PLEC: variants seen among roughly 807,000 people sequenced by gnomAD.
The protein encoded by PLEC is hemidesmosomal protein 1.
Under a neutral mutation model 392.8 loss-of-function variants are expected in PLEC, and 216 were observed. That is an observed-to-expected ratio of 0.55 (90% confidence interval 0.49 to 0.62). The LOEUF is 0.62. Ranked by LOEUF, PLEC falls within the 20% of genes least tolerant of loss-of-function variation. The pLI, the probability that PLEC is intolerant of heterozygous loss-of-function variation, is 0.00. For missense variants in PLEC, 6,863 were observed against 6,563.4 expected (o/e 1.05, Z -1.58); for synonymous variants, 3,621 against 2,980.6 (o/e 1.21, Z -7.00).
chr8:143,924,657 C>A lies in PLEC; in HGVS notation c.5272G>T (p.Ala1758Ser). 6.5e-7 allele frequency: 1 copy of A among 1,536,448 alleles called. No homozygotes were observed. The highest frequency in any genetic ancestry group is 8.7e-7 in the Non-Finnish European group (1 of 1,147,208). The change falls in exon 31 of 32, where the codon GCC becomes TCC. Residue 1758 changes from alanine (A) to serine (S), a missense_variant. Transcript: ENST00000345136. ...QKRQELEAEL[A>S]KVRAEMEVLL... is the part of the protein sequence containing the mutation. ...ACCTCCATCTCGGCCCGCACCTTGGCCAGCTCGGCTTCCAGCTCCTGCCGT... is the reference window on the plus strand; with the variant it reads ...ACCTCCATCTCGGCCCGCACCTTGGACAGCTCGGCTTCCAGCTCCTGCCGT...
rs187460004 is a variant in PLEC at position 143,930,750 on chromosome 8, C to T, written c.2305-214G>A. ...TCCTTCCCAACCCAGACAGGGCACC[C>T]TCCTCTCACCCCAGCTCACCCACCA... On this transcript the variant is annotated intron_variant, in intron 19 of 31. Transcript: ENST00000345136. 1.7e-4 allele frequency among the ~76,000 whole-genome samples: 26 copies of T among 152,232 alleles called. No homozygotes were observed. In the East Asian group the frequency reaches 4.8e-3, roughly 28 times the overall value.
Position 143,916,489 on chromosome 8 carries a change from G to A in PLEC, c.13332C>T (p.Ile4444=), listed in dbSNP as rs1189848917. 5.6e-6 allele frequency: 9 copies of A among 1,611,582 alleles called. No individual in the cohort carries two copies. The highest frequency in any genetic ancestry group is 1.1e-5 in the South Asian group (1 of 91,080). The stretch of plus-strand genomic sequence containing the variant: ...TGCGGTCCAGCGCGTCCTTATAGGA[G>A]ATCTTGAGCTTGGTCTTAGGGCAGG... ...YLTCPKTKLK[I]SYKDALDRSM... is the part of the protein sequence containing the mutation. The change falls in exon 32 of 32, where the codon ATC becomes ATT. Residue 4444 remains isoleucine (I), a synonymous_variant. Transcript: ENST00000345136.
At chr8:143,950,871 G>A (rs879965216) in exon 1 of PLEC, 33 of 1,392,742 alleles carry the variant, frequency 2.4e-5, no homozygotes, top group African/African-American at 1.3e-4. Context: ...GTGAGGGCGC[G>A]GGCTCCCGGC....
intron 3 of PLEC, chr8:143,937,584 G>A: frequency 2.0e-6 from 1 of 497,792 alleles, no homozygotes; most frequent in Non-Finnish European, 3.8e-6. Context: ...GTGGGTCCCA[G>A]GCCAGCTCTG....
rs782430534 is a variant in PLEC at position 143,925,801 on chromosome 8, G to A, written c.4128C>T (p.Ala1376=). Residue 1376 remains alanine (A), a synonymous_variant, in exon 31 of 32, where the codon GCC becomes GCT. Transcript: ENST00000345136. ...EAALEKQRQL[A]EAHAQAKAQA... ...GTGCCTTTGCCTGGGCGTGCGCCTCGGCCAGCTGCCGCTGCTTCTCCAGCG... is the reference window on the plus strand; with the variant it reads ...GTGCCTTTGCCTGGGCGTGCGCCTCAGCCAGCTGCCGCTGCTTCTCCAGCG... The A allele has an allele frequency of 3.1e-5, 49 of 1,572,012 alleles. No individual in the cohort carries two copies. Among genetic ancestry groups the A allele is most frequent in the African/African-American group, 9.4e-5 (7 of 74,266 alleles).
In PLEC at chr8:143,930,336, C is replaced by T. The variant is rs782345648; in HGVS notation, c.2458-38G>A. The T allele has an allele frequency of 1.4e-5, 22 of 1,588,228 alleles. No homozygotes were observed. The East Asian group carries it at 4.5e-4, about 33-fold the overall frequency. Reference sequence around the variant, plus strand: ...GAGTCGGTGAGGACATGGCCACACCCTGCCCTGCCTGGCCACGCCCCCCAG... The same window carrying T: ...GAGTCGGTGAGGACATGGCCACACCTTGCCCTGCCTGGCCACGCCCCCCAG... On this transcript the variant is annotated intron_variant, in intron 20 of 31. Coordinates refer to ENST00000345136, the MANE Select transcript of PLEC (RefSeq NM_201384.3).
rs1554691805 is a variant in PLEC, at chr8:143,923,289, C to T, written c.6640G>A (p.Ala2214Thr). The T allele has an allele frequency of 6.2e-7, 1 of 1,608,556 alleles. No individual in the cohort carries two copies. The highest frequency in any genetic ancestry group is 1.1e-5 in the South Asian group (1 of 90,950). The change falls in exon 31 of 32, where the codon GCG (alanine) becomes ACG (threonine). Residue 2214 changes from alanine (A) to threonine (T), a missense_variant. Coordinates refer to ENST00000345136, the MANE Select transcript of PLEC (RefSeq NM_201384.3). ...TGGCGTGCGGCCTCCGTGGCCTCCG[C>T]CTTCAGCCGCTGCAGCTCCTCGTCC... Reference protein sequence around the residue: ...LLDEELQRLKAEATEAARQRS... With the variant: ...LLDEELQRLKTEATEAARQRS...
chr8:143,949,199 C>A (rs1219524277), intron 1 of PLEC, among the ~76,000 whole-genome samples: 1 of 152,250 alleles, frequency 6.6e-6, no homozygotes, highest in Admixed American at 6.5e-5. Flanking sequence ...CCCCCTCCCC[C>A]ACACCCTGGC....
At chr8:143,975,140 G>T, upstream of PLEC, 7 of 1,590,486 alleles carry the variant, frequency 4.4e-6, no homozygotes, top group Non-Finnish European at 5.1e-6. The surrounding 1 kb of genome is among the most constrained non-coding windows in gnomAD (Gnocchi z 9.9). Flanking sequence ...AACCTCGCGT[G>T]CCAAGGAGGT....
chr8:143,938,513 G>A, intron 2 of PLEC, 118 bp downstream of exon 2: 1 of 1,557,386 alleles, frequency 6.4e-7, no homozygotes, highest in South Asian at 1.1e-5. Context: ...ACAGGTTTCA[G>A]AGATGAAAGG....
chr8:143,937,341 TCCC>T, intron 3 of PLEC, 99 bp from the exon 4 acceptor site: 2 of 871,974 alleles, frequency 2.3e-6, no homozygotes, highest in East Asian at 5.1e-5. Context: ...CCAAGGGTCT[TCCC>T]CAGGGGGCAG....
At chr8:143,965,862 A>G (rs919410797) in intron 1 of PLEC, among the ~76,000 whole-genome samples, 5 of 152,124 alleles carry the variant, frequency 3.3e-5, no homozygotes, top group Admixed American at 2.0e-4. Context: ...CCCTGTGACC[A>G]TGCAGGTCCC....
At chr8:143,954,484 C>T (rs1002695073), upstream of PLEC, among the ~76,000 whole-genome samples, 4 of 152,334 alleles carry the variant, frequency 2.6e-5, no homozygotes, top group African/African-American at 4.8e-5. This position sits in a 1 kb window ranked among gnomAD's most constrained non-coding sequence, Gnocchi z 4.6. Flanking sequence ...CCTGGCTGCG[C>T]CCCCCAGTCT....
At chr8:143,942,391 C>T (rs781826597), upstream of PLEC, 4 of 1,603,532 alleles carry the variant, frequency 2.5e-6, no homozygotes, top group Middle Eastern at 1.8e-4. Flanking sequence ...ACTGCACCCA[C>T]CTACGCAGCA....
At chr8:143,946,954 A>AC (rs1190992591) in intron 1 of PLEC, among the ~76,000 whole-genome samples, 2 of 151,982 alleles carry the variant, frequency 1.3e-5, no homozygotes, top group African/African-American at 4.8e-5. Context: ...CAATGGTGAC[A>AC]CCTGCCTCCC....
At chr8:143,948,576 C>T (rs1554733429) in intron 1 of PLEC, among the ~76,000 whole-genome samples, 3 of 152,240 alleles carry the variant, frequency 2.0e-5, no homozygotes, top group South Asian at 4.1e-4. Flanking sequence ...TGACTCATCC[C>T]GGAGCTGTGG....
rs1554707300 is a variant in PLEC, at chr8:143,927,401, C to A, written c.3756+9G>T. Reference sequence around the variant, plus strand: ...CCCAGCCGCCCCGTCCCCACCGACCCAAGCCCACCTGCTCCTGCCGCAGCT... The same window carrying A: ...CCCAGCCGCCCCGTCCCCACCGACCAAAGCCCACCTGCTCCTGCCGCAGCT... On this transcript the variant is annotated intron_variant, in intron 27 of 31. Transcript: ENST00000345136. The A allele has an allele frequency of 1.4e-5, 23 of 1,607,258 alleles. No individual in the cohort carries two copies. Among genetic ancestry groups the A allele is most frequent in the Non-Finnish European group, 2.0e-5 (23 of 1,179,376 alleles).
In PLEC at chr8:143,928,006, G is replaced by A. The variant is rs758642892; in HGVS notation, c.3261-14C>T. The A allele has an allele frequency of 1.0e-5, 16 of 1,587,528 alleles. No individual in the cohort carries two copies. The highest frequency in any genetic ancestry group is 4.5e-5 in the East Asian group (2 of 44,288). On this transcript the variant is annotated splice_polypyrimidine_tract_variant and intron_variant, in intron 25 of 31. Transcript: ENST00000345136. Reference sequence around the variant, plus strand: ...ATGGTCTTGAGCCTGGCGGGAAAGCGGGGCTCAGGGCCATGACATGGGGCT... The same window carrying A: ...ATGGTCTTGAGCCTGGCGGGAAAGCAGGGCTCAGGGCCATGACATGGGGCT...
chr8:143,925,180 G>T lies in PLEC; in HGVS notation c.4749C>A (p.Ala1583=). ...GCTGTGCCGTCTTCTCGGCGAAGGA[G>T]GCGCGTTTGCTCTGCAGCTCCGCCT... is the stretch of plus-strand genomic sequence containing the variant. ...SAEAELQSKR[A]SFAEKTAQLE... is the part of the protein sequence containing the mutation. Residue 1583 remains alanine (A), a synonymous_variant, in exon 31 of 32, where the codon GCC becomes GCA. Coordinates refer to ENST00000345136, the MANE Select transcript of PLEC (RefSeq NM_201384.3). 6.4e-7 allele frequency: 1 copy of T among 1,573,496 alleles called. No homozygotes were observed. Among genetic ancestry groups the T allele is most frequent in the East Asian group, 2.3e-5 (1 of 43,140 alleles).
Sources: gnomAD v4.1 joint callset for allele counts (sites outside exome capture counted in the v4.1 genomes callset) on GRCh38, gnomAD v4.1.1 for gene constraint, Gnocchi (gnomAD v3.1) non-coding constraint, MANE v1.5 for transcripts, NCBI Gene and HGNC (gene_info 2026-07-23, HGNC 2026-07-21) for gene names.